VPS13B: variants seen among roughly 807,000 people sequenced by gnomAD.
VPS13B encodes the protein intermembrane lipid transfer protein VPS13B.
VPS13B carries 285 observed loss-of-function variants against 426.4 expected under a neutral mutation model. The observed-to-expected ratio is 0.67, with a 90% CI of 0.61 to 0.74. The LOEUF (loss-of-function observed/expected upper bound fraction) is 0.74. Ranked by LOEUF, VPS13B falls within the 30% of genes least tolerant of loss-of-function variation. The pLI, the probability that VPS13B is intolerant of heterozygous loss-of-function variation, is 0.00. For synonymous variants in VPS13B, 1,676 were observed against 1,676.4 expected (o/e 1.00, Z 0.01); for missense variants, 4,537 against 4,782.6 (o/e 0.95, Z 1.51).
At chr8:99,730,938 T>C (rs140782448) in intron 39 of VPS13B, among the ~76,000 whole-genome samples, 375 of 151,840 alleles carry the variant, frequency 2.5e-3, no homozygotes, top group Non-Finnish European at 4.7e-3. Flanking sequence ...AATTGAGACA[T>C]CAAGACAAGG....
At chr8:99,194,351 C>T (rs1331224981) in intron 17 of VPS13B, among the ~76,000 whole-genome samples, 1 of 152,164 alleles carries the variant, frequency 6.6e-6, no homozygotes, top group East Asian at 1.9e-4. Flanking sequence ...TTGAATTGAA[C>T]TTACTGCTCC....
chr8:99,131,982 C>T (rs1205215639), intron 8 of VPS13B, among the ~76,000 whole-genome samples: 7 of 152,070 alleles, frequency 4.6e-5, no homozygotes, highest in East Asian at 3.9e-4. Context: ...CTGCAACCTC[C>T]GCCTCCCAGG....
intron 19 of VPS13B, among the ~76,000 whole-genome samples, chr8:99,355,751 C>T (rs1212898012): frequency 6.6e-6 from 1 of 152,072 alleles, no homozygotes; most frequent in South Asian, 2.1e-4. Context: ...CTTGACTGGT[C>T]GTATGTCAGC....
chr8:99,364,971 T>G (rs1588295845), intron 19 of VPS13B, among the ~76,000 whole-genome samples: 1 of 152,176 alleles, frequency 6.6e-6, no homozygotes, highest in Admixed American at 6.5e-5. Flanking sequence ...TATTGGTTGG[T>G]TCAGGTTTTG....
intron 39 of VPS13B, among the ~76,000 whole-genome samples, chr8:99,747,461 G>A (rs894456918): frequency 6.6e-6 from 1 of 151,906 alleles, no homozygotes; most frequent in African/African-American, 2.4e-5. Context: ...ACCAGCTGTT[G>A]GTTCTTCAGA....
intron 21 of VPS13B, among the ~76,000 whole-genome samples, chr8:99,411,694 C>T (rs184634060): frequency 9.2e-5 from 14 of 151,940 alleles, no homozygotes; most frequent in East Asian, 5.8e-4. Flanking sequence ...TTATGGTTTT[C>T]GTCTTACATT....
At chr8:99,021,335 C>T (rs975942170) in intron 2 of VPS13B, among the ~76,000 whole-genome samples, 1 of 152,126 alleles carries the variant, frequency 6.6e-6, no homozygotes, top group Non-Finnish European at 1.5e-5. Context: ...GCCAAAGTCT[C>T]ACTGTGGCTG....
chr8:99,651,571 C>T (rs867482418), intron 34 of VPS13B, among the ~76,000 whole-genome samples: 5 of 152,224 alleles, frequency 3.3e-5, no homozygotes, highest in Middle Eastern at 3.4e-3. Flanking sequence ...TCTGCCAGCA[C>T]CTTTATACAT....
chr8:99,848,886 T>G lies in VPS13B; in HGVS notation c.10053T>G (p.Asn3351Lys), dbSNP rs1393247141. 6.2e-7 allele frequency: 1 copy of G among 1,613,466 alleles called. No individual in the cohort carries two copies. Among genetic ancestry groups the G allele is most frequent in the East Asian group, 2.2e-5 (1 of 44,884 alleles). The change falls in exon 55 of 62, where the codon AAT becomes AAG. Residue 3351 changes from asparagine to lysine, a missense_variant. Physicochemically the swap from Asn to Lys is moderately conservative, Grantham distance 94. Transcript: ENST00000357162. ...GAAAAGCAGGACCTATTTTAACCAATACCAACAGGTAGGTTTAATTATTTT... is the reference window on the plus strand; with the variant it reads ...GAAAAGCAGGACCTATTTTAACCAAGACCAACAGGTAGGTTTAATTATTTT... ...PEGKAGPILT[N>K]TNRAPEKIVT...
intron 39 of VPS13B, among the ~76,000 whole-genome samples, chr8:99,726,224 G>A (rs1833344526): frequency 6.6e-6 from 1 of 152,138 alleles, no homozygotes; most frequent in Non-Finnish European, 1.5e-5. Flanking sequence ...GAATGCAAAA[G>A]CTTATTTTAT....
intron 15 of VPS13B, among the ~76,000 whole-genome samples, chr8:99,167,424 TG>T (rs2132656167): frequency 6.6e-6 from 1 of 152,108 alleles, no homozygotes; most frequent in East Asian, 1.9e-4. Flanking sequence ...TTTTATTTAA[TG>T]GTATAAAACT....
intron 43 of VPS13B, among the ~76,000 whole-genome samples, chr8:99,787,788 A>T (rs1334583328): frequency 6.6e-6 from 1 of 152,150 alleles, no homozygotes; most frequent in African/African-American, 2.4e-5. Context: ...TTTTCTAGTT[A>T]ATAGAGAGCA....
chr8:99,226,702 A>G (rs940104293), intron 17 of VPS13B, among the ~76,000 whole-genome samples: 2 of 152,192 alleles, frequency 1.3e-5, no homozygotes, highest in Non-Finnish European at 2.9e-5. Flanking sequence ...TAATTTTCAG[A>G]AAGCAAGACT....
At chr8:99,829,895 C>A (rs1018532371) in intron 51 of VPS13B, among the ~76,000 whole-genome samples, 12 of 152,224 alleles carry the variant, frequency 7.9e-5, no homozygotes, top group Non-Finnish European at 1.3e-4. Flanking sequence ...GGGTCCACCC[C>A]AGACCCTGTT....
intron 33 of VPS13B, among the ~76,000 whole-genome samples, chr8:99,640,001 T>TAAGAAGAAGAAG (rs1411599948): frequency 1.7e-5 from 1 of 59,738 alleles, no homozygotes; most frequent in African/African-American, 7.5e-5. Context: ...ATAATAATAA[T>TAAGAAGAAGAAG]AATAATAATA....
chr8:99,369,206 A>G (rs925586298), intron 19 of VPS13B, among the ~76,000 whole-genome samples: 4 of 152,104 alleles, frequency 2.6e-5, no homozygotes, highest in African/African-American at 9.7e-5. Context: ...ATTTTCCTTT[A>G]TTCATCTTTG....
chr8:99,050,081 C>T (rs760015900), intron 3 of VPS13B, among the ~76,000 whole-genome samples: 28 of 151,648 alleles, frequency 1.8e-4, no homozygotes, highest in African/African-American at 5.3e-4. Context: ...ACGTGCACAA[C>T]GTGCAGGTTA....
intron 27 of VPS13B, among the ~76,000 whole-genome samples, chr8:99,506,173 G>T (rs1821487963): frequency 6.6e-6 from 1 of 152,144 alleles, no homozygotes; most frequent in Non-Finnish European, 1.5e-5. Context: ...TAATCACTGA[G>T]ATGGAGCAAT....
At chr8:99,583,893 A>G (rs1208905973) in intron 33 of VPS13B, among the ~76,000 whole-genome samples, 5 of 152,134 alleles carry the variant, frequency 3.3e-5, no homozygotes, top group Non-Finnish European at 5.9e-5. Flanking sequence ...TGAGGTAGTC[A>G]TGAATGGAAA....
Sources: allele counts gnomAD v4.1 joint callset (sites outside exome capture counted in the v4.1 genomes callset), GRCh38; gene constraint gnomAD v4.1.1; transcripts MANE v1.5; gene names NCBI Gene and HGNC (gene_info 2026-07-23, HGNC 2026-07-21).